The following NDUFA10 variants were observed in gnomAD, a reference collection of about 807,000 sequenced individuals.
NDUFA10 encodes NADH dehydrogenase [ubiquinone] 1 alpha subcomplex subunit 10, mitochondrial.
NDUFA10 carries 40 observed loss-of-function variants against 47.8 expected under a neutral mutation model. The ratio of observed to expected loss-of-function variants is 0.84; its 90% CI spans 0.65 to 1.09. The LOEUF is 1.09. Ranked by LOEUF, NDUFA10 falls within the 50% of genes least tolerant of loss-of-function variation. NDUFA10 has a pLI of 0.00. For synonymous variants in NDUFA10, 183 were observed against 172.2 expected, an observed-to-expected ratio of 1.06 and a Z score of -0.49; for missense variants, 413 against 451.1, an observed-to-expected ratio of 0.92 and a Z score of 0.76.
chr2:240,010,052 T>C (rs1697081495), intron 6 of NDUFA10, among the ~76,000 whole-genome samples: 1 of 152,266 alleles, frequency 6.6e-6, no homozygotes, highest in Non-Finnish European at 1.5e-5. Context: ...GAGAAAACTT[T>C]TAAGATCCAA....
intron 8 of NDUFA10, among the ~76,000 whole-genome samples, chr2:239,991,761 C>T (rs971975598): frequency 4.6e-5 from 7 of 152,134 alleles, no homozygotes; most frequent in African/African-American, 1.4e-4. Flanking sequence ...AAATGAAGTT[C>T]ATATTTTAAA....
At chr2:239,988,022 G>A (rs1049532340) in intron 9 of NDUFA10, among the ~76,000 whole-genome samples, 1 of 151,956 alleles carries the variant, frequency 6.6e-6, no homozygotes, top group African/African-American at 2.4e-5. Context: ...CATAGAACAG[G>A]TAGAAAAAAT....
At chr2:240,007,901 A>G (rs1258747479) in intron 6 of NDUFA10, among the ~76,000 whole-genome samples, 1 of 152,164 alleles carries the variant, frequency 6.6e-6, no homozygotes, top group Non-Finnish European at 1.5e-5. Flanking sequence ...ACAGGCACAG[A>G]GGGCATCTTT....
chr2:240,003,512 G>C (rs7602660), intron 8 of NDUFA10, among the ~76,000 whole-genome samples: 2 of 152,194 alleles, frequency 1.3e-5, no homozygotes, highest in Non-Finnish European at 2.9e-5. Flanking sequence ...CCAAGGGCTC[G>C]AGACTTAACA....
chr2:239,992,357 A>G (rs1179773024), intron 8 of NDUFA10, among the ~76,000 whole-genome samples: 5 of 152,242 alleles, frequency 3.3e-5, no homozygotes, highest in Admixed American at 1.3e-4. Flanking sequence ...AGGAACACAG[A>G]AAAAAGAATA....
intron 7 of NDUFA10, among the ~76,000 whole-genome samples, chr2:240,006,821 A>G (rs1196503363): frequency 6.6e-6 from 1 of 152,164 alleles, no homozygotes; most frequent in East Asian, 1.9e-4. Flanking sequence ...TAACACCACA[A>G]TGCTCTCCTT....
chr2:239,920,922 T>G (rs1693964781), intron 4 of NDUFA10, among the ~76,000 whole-genome samples: 1 of 152,074 alleles, frequency 6.6e-6, no homozygotes, highest in Non-Finnish European at 1.5e-5. Flanking sequence ...TCTCCCCAGG[T>G]GGGCAGGTTT....
chr2:239,963,911 G>A (rs1040861729), intron 9 of NDUFA10, among the ~76,000 whole-genome samples: 5 of 152,170 alleles, frequency 3.3e-5, no homozygotes, highest in African/African-American at 9.7e-5. Context: ...ACGGGGCCTC[G>A]CGTCACGGTC....
At chr2:239,953,703 G>A (rs758016298), downstream of NDUFA10, among the ~76,000 whole-genome samples, 16 of 100,114 alleles carry the variant, frequency 1.6e-4, no homozygotes, top group Admixed American at 7.9e-4. Context: ...CACCGCGAAC[G>A]TAAGTAGCGG....
At chr2:239,948,987 A>G (rs988762907) in intron 4 of NDUFA10, among the ~76,000 whole-genome samples, 2 of 151,888 alleles carry the variant, frequency 1.3e-5, no homozygotes, top group East Asian at 1.9e-4. Context: ...GGAGCCCCCA[A>G]CCCTTCCTTG....
intron 8 of NDUFA10, among the ~76,000 whole-genome samples, chr2:239,997,929 G>T (rs543747439): frequency 1.3e-5 from 2 of 152,302 alleles, no homozygotes; most frequent in East Asian, 3.9e-4. Flanking sequence ...TCAATCAATG[G>T]TAAGTGCAGC....
intron 4 of NDUFA10, among the ~76,000 whole-genome samples, chr2:239,915,639 GAC>G (rs1217528955): frequency 2.2e-5 from 3 of 135,914 alleles, no homozygotes; most frequent in Admixed American, 7.4e-5. Flanking sequence ...CAAATATACA[GAC>G]ACACAGAGAC....
In NDUFA10 at chr2:239,960,806, G is replaced by C. The variant is rs1694823944; in HGVS notation, c.*312C>G. The C allele has an allele frequency of 3.9e-6, 5 of 1,290,654 alleles. No individual in the cohort carries two copies. Among genetic ancestry groups the C allele is most frequent in the African/African-American group, 1.5e-5 (1 of 66,250 alleles). The allele number at this position is 1,290,654 out of a possible 1,614,324, so 80.0% of individuals were successfully genotyped here. On this transcript the variant is annotated 3_prime_UTR_variant, in exon 10 of 10. Transcript: ENST00000252711. ...CAATGTGCACAACCTGAATGACACA[G>C]AGCGGCAGCGCTGAAACCACAGGGG...
chr2:239,933,273 G>GT (rs1204210904), intron 4 of NDUFA10, among the ~76,000 whole-genome samples: 1 of 152,170 alleles, frequency 6.6e-6, no homozygotes, highest in Non-Finnish European at 1.5e-5. Flanking sequence ...TCTGCCTCGG[G>GT]TCCCTCTTAC....
At chr2:239,922,192 C>G (rs1370581238) in intron 4 of NDUFA10, among the ~76,000 whole-genome samples, 1 of 152,024 alleles carries the variant, frequency 6.6e-6, no homozygotes, top group Non-Finnish European at 1.5e-5. Context: ...CCTGAGTGTC[C>G]CTTTGTCTTT....
chr2:239,999,164 A>G (rs1473446002), intron 8 of NDUFA10, among the ~76,000 whole-genome samples: 1 of 152,222 alleles, frequency 6.6e-6, no homozygotes, highest in Non-Finnish European at 1.5e-5. Context: ...TATGAAAAAC[A>G]CCTGCAGTGA....
chr2:239,902,563 C>G (rs567423266), intron 4 of NDUFA10, among the ~76,000 whole-genome samples: 6 of 152,302 alleles, frequency 3.9e-5, no homozygotes, highest in African/African-American at 1.4e-4. Flanking sequence ...GCAATATTCA[C>G]TTTGTTGCAG....
intron 4 of NDUFA10, among the ~76,000 whole-genome samples, chr2:239,949,527 G>A (rs188381393): frequency 5.9e-5 from 9 of 152,048 alleles, no homozygotes; most frequent in African/African-American, 2.2e-4. Flanking sequence ...TTTTGCTTTT[G>A]TTTGTTTGTT....
At position 239,920,731 on chromosome 2, in the gene NDUFA10, G is replaced by A. The variant is rs539794393; in HGVS notation, c.295-25417C>T. ...GCTCCCAGGCCTTTTGCGTGACGGC[G>A]ATGGAGGCGCTGTGGTTTTGTTTCT... is the stretch of plus-strand genomic sequence containing the variant. On this transcript the variant is annotated intron_variant, in intron 4 of 5. Transcript: ENST00000419408. Among the ~76,000 whole-genome samples, 10 of 152,304 alleles carry A rather than the reference G, an allele frequency of 6.6e-5. No homozygotes were observed. In the East Asian group the frequency reaches 7.7e-4, roughly 12 times the overall value.
Sources: gnomAD v4.1 joint callset for allele counts (sites outside exome capture counted in the v4.1 genomes callset) on GRCh38, gnomAD v4.1.1 for gene constraint, MANE v1.5 for transcripts, NCBI Gene and HGNC (gene_info 2026-07-23, HGNC 2026-07-21) for gene names.